Variants in UPP2 observed in about 807,000 individuals in gnomAD.
UPP2 encodes the protein UPase 2.
In UPP2, 23 loss-of-function variants were observed where a neutral mutation model predicts 26.7. The observed-to-expected ratio is 0.86, with a 90% CI of 0.62 to 1.22. The LOEUF (loss-of-function observed/expected upper bound fraction) is 1.22, where lower values mean the gene tolerates loss of function less well. Ranked by LOEUF, UPP2 falls within the 50% of genes most tolerant of loss-of-function variation. UPP2 has a pLI of 0.00. For synonymous variants in UPP2, 127 were observed against 141.3 expected (o/e 0.90, Z 0.72); for missense variants, 387 against 396.7 (o/e 0.98, Z 0.21).
chr2:158,058,263 A>C (rs1682284981), intron 3 of UPP2, among the ~76,000 whole-genome samples: 1 of 147,354 alleles, frequency 6.8e-6, no homozygotes, highest in Admixed American at 6.8e-5. Flanking sequence ...ACTGCATGCC[A>C]GCCTGGGCGA....
At chr2:158,032,150 G>GC (rs1250955675) in intron 3 of UPP2, among the ~76,000 whole-genome samples, 10 of 152,196 alleles carry the variant, frequency 6.6e-5, no homozygotes, top group African/African-American at 2.4e-4. Flanking sequence ...AAAATTGAGA[G>GC]CTAGCAGCTG....
At chr2:158,111,865 A>C (rs1477868028) in intron 2 of UPP2, among the ~76,000 whole-genome samples, 1 of 152,206 alleles carries the variant, frequency 6.6e-6, no homozygotes, top group African/African-American at 2.4e-5. Flanking sequence ...TGGGACATAT[A>C]GACCTTACAG....
chr2:158,054,459 C>T (rs1682215774), intron 3 of UPP2, among the ~76,000 whole-genome samples: 1 of 149,726 alleles, frequency 6.7e-6, no homozygotes, highest in South Asian at 2.1e-4. Context: ...ATGTATTTCT[C>T]TATGTTCCCT....
At chr2:158,008,455 G>C (rs1341662860) in intron 2 of UPP2, among the ~76,000 whole-genome samples, 1 of 152,170 alleles carries the variant, frequency 6.6e-6, no homozygotes, top group African/African-American at 2.4e-5. Context: ...GCAGAGTGGA[G>C]AGGAATGTTA....
At chr2:158,073,211 T>A (rs1682572773) in intron 3 of UPP2, among the ~76,000 whole-genome samples, 1 of 151,968 alleles carries the variant, frequency 6.6e-6, no homozygotes, top group South Asian at 2.1e-4. Flanking sequence ...GCATCAGAGT[T>A]CCTTAAGAGT....
intron 2 of UPP2, among the ~76,000 whole-genome samples, chr2:157,999,481 T>C (rs1683373162): frequency 1.3e-5 from 2 of 152,124 alleles, no homozygotes; most frequent in African/African-American, 4.8e-5. Flanking sequence ...CCCAGCCTAT[T>C]TGGGTCTCTT....
intron 3 of UPP2, among the ~76,000 whole-genome samples, chr2:158,035,297 C>T (rs1358286183): frequency 6.6e-6 from 1 of 151,958 alleles, no homozygotes; most frequent in Non-Finnish European, 1.5e-5. Flanking sequence ...GCTGGGATTA[C>T]AGGCATGCAC....
intron 3 of UPP2, among the ~76,000 whole-genome samples, chr2:158,043,703 T>C (rs1684111925): frequency 6.6e-6 from 1 of 152,192 alleles, no homozygotes; most frequent in Non-Finnish European, 1.5e-5. Flanking sequence ...ACAGAATTCA[T>C]GATCTTGCCC....
intron 1 of UPP2, among the ~76,000 whole-genome samples, chr2:158,104,641 G>C (rs915602645): frequency 6.6e-6 from 1 of 152,086 alleles, no homozygotes; most frequent in Admixed American, 6.6e-5. Context: ...ATGTGGAAAG[G>C]CTAGGCATGA....
chr2:158,083,865 T>A (rs199908770), intron 3 of UPP2, among the ~76,000 whole-genome samples: 17 of 118,734 alleles, frequency 1.4e-4, no homozygotes, highest in African/African-American at 5.4e-4. Context: ...TATATATGTT[T>A]TTTATATATA....
At chr2:158,100,324 T>C (rs1325227034), upstream of UPP2, among the ~76,000 whole-genome samples, 1 of 152,228 alleles carries the variant, frequency 6.6e-6, no homozygotes, top group African/African-American at 2.4e-5. Flanking sequence ...ACTGGTTGAC[T>C]GAATCTGCAC....
intron 3 of UPP2, among the ~76,000 whole-genome samples, chr2:158,115,686 C>T (rs903857851): frequency 6.6e-6 from 1 of 152,186 alleles, no homozygotes; most frequent in Non-Finnish European, 1.5e-5. Flanking sequence ...TAATGCATTT[C>T]TACTGAGCTC....
chr2:158,107,018 G>A (rs1683210503), intron 2 of UPP2, among the ~76,000 whole-genome samples: 1 of 152,134 alleles, frequency 6.6e-6, no homozygotes, highest in Non-Finnish European at 1.5e-5. Flanking sequence ...ATTTATGGGT[G>A]TCAAGTGGTG....
chr2:158,075,878 A>T (rs1682622804), intron 3 of UPP2, among the ~76,000 whole-genome samples: 1 of 151,830 alleles, frequency 6.6e-6, no homozygotes, highest in Non-Finnish European at 1.5e-5. Context: ...AGAAAATAAT[A>T]AAAAAGATCA....
At chr2:158,031,146 G>C (rs577535558) in intron 3 of UPP2, among the ~76,000 whole-genome samples, 1 of 152,190 alleles carries the variant, frequency 6.6e-6, no homozygotes, top group East Asian at 1.9e-4. Context: ...GAAAACAAAA[G>C]ATCAGTGTGG....
At chr2:158,073,214 T>C (rs995072155) in intron 3 of UPP2, among the ~76,000 whole-genome samples, 1 of 151,940 alleles carries the variant, frequency 6.6e-6, no homozygotes, top group Admixed American at 6.6e-5. Context: ...TCAGAGTTCC[T>C]TAAGAGTATA....
intron 6 of UPP2, among the ~76,000 whole-genome samples, chr2:158,131,652 G>A (rs889142325): frequency 1.3e-5 from 2 of 152,132 alleles, no homozygotes; most frequent in African/African-American, 4.8e-5. Flanking sequence ...CTAGCCTCAG[G>A]TCAGTTCACT....
chr2:158,074,888 C>G (rs1682606837), intron 3 of UPP2, among the ~76,000 whole-genome samples: 1 of 150,786 alleles, frequency 6.6e-6, no homozygotes, highest in African/African-American at 2.4e-5. Flanking sequence ...GGCACTTCAC[C>G]TATAAACACA....
At chr2:158,041,365 G>A (rs1329739304) in intron 3 of UPP2, among the ~76,000 whole-genome samples, 1 of 152,010 alleles carries the variant, frequency 6.6e-6, no homozygotes, top group African/African-American at 2.4e-5. Flanking sequence ...AACTTTGCTG[G>A]CAAAATTTTA....
Sources: allele counts gnomAD v4.1 joint callset (sites outside exome capture counted in the v4.1 genomes callset), GRCh38; gene constraint gnomAD v4.1.1; transcripts MANE v1.5; gene names NCBI Gene and HGNC (gene_info 2026-07-23, HGNC 2026-07-21).